Variants in HIVEP1 observed in about 807,000 individuals in gnomAD.
The protein encoded by HIVEP1 is HIVEP zinc finger 1.
Under a neutral mutation model 180.0 loss-of-function variants are expected in HIVEP1, and 36 were observed. The ratio of observed to expected loss-of-function variants is 0.20; its 90% CI spans 0.15 to 0.26. The LOEUF (loss-of-function observed/expected upper bound fraction) is 0.26. Among genes scored for constraint, HIVEP1 ranks in the 10% least tolerant of loss-of-function variants. The pLI, the probability that HIVEP1 is intolerant of heterozygous loss-of-function variation, is 1.00. For missense variants in HIVEP1, 3,143 were observed against 3,268.7 expected (o/e 0.96, Z 0.94); for synonymous variants, 1,239 against 1,239.0 (o/e 1.00, Z 0.00).
intron 2 of HIVEP1, among the ~76,000 whole-genome samples, chr6:12,022,111 G>A (rs1025349745): frequency 6.6e-6 from 1 of 152,124 alleles, no homozygotes; most frequent in African/African-American, 2.4e-5. Flanking sequence ...TTAATTGCCT[G>A]AACAGATAAA....
the HIVEP1 span, among the ~76,000 whole-genome samples, chr6:12,204,863 T>C: frequency 7.2e-5 from 11 of 152,036 alleles, no homozygotes; most frequent in Admixed American, 3.3e-4. Flanking sequence ...AAGCAAACAA[T>C]AAACATGTAT....
Position 12,119,921 on chromosome 6 carries a change from G to A in HIVEP1, c.126G>A (p.Ser42=), listed in dbSNP as rs1487358229. ...TACAGGCTGGTGTTAAAGGAACTTC[G>A]GAATCCCTTAAAGGTGTGAAACGCA... The part of the protein sequence containing the change: ...EILQAGVKGT[S]ESLKGVKRKK... The change falls in exon 4 of 9, where the codon TCG becomes TCA. Residue 42 remains serine, a synonymous_variant. Coordinates refer to ENST00000379388, the MANE Select transcript of HIVEP1 (RefSeq NM_002114.4). 3.8e-6 allele frequency: 6 copies of A among 1,573,454 alleles called. No individual in the cohort carries two copies. The highest frequency in any genetic ancestry group is 1.2e-5 in the South Asian group (1 of 84,026).
intron 7 of HIVEP1, among the ~76,000 whole-genome samples, chr6:12,157,005 C>T (rs370359195): frequency 1.4e-4 from 21 of 151,954 alleles, no homozygotes; most frequent in South Asian, 1.0e-3. Context: ...AGCTCTATTG[C>T]GTACACACTT....
chr6:12,040,241 G>T (rs897694808), intron 2 of HIVEP1, among the ~76,000 whole-genome samples: 1 of 152,106 alleles, frequency 6.6e-6, no homozygotes, highest in African/African-American at 2.4e-5. Context: ...AACTGTGTTC[G>T]AATCTTTGCT....
intron 2 of HIVEP1, chr6:12,038,968 A>T (rs566193396): frequency 6.6e-6 from 1 of 152,240 alleles, no homozygotes; most frequent in Non-Finnish European, 1.5e-5. Context: ...GACACTTTAT[A>T]TAATATACCT....
chr6:12,098,217 T>A (rs1228346316), intron 3 of HIVEP1, among the ~76,000 whole-genome samples: 1 of 152,200 alleles, frequency 6.6e-6, no homozygotes, highest in Non-Finnish European at 1.5e-5. Context: ...TTACATTATA[T>A]TAAATACATA....
At chr6:12,125,930 T>C in intron 4 of HIVEP1, 60 bp downstream of exon 4, 1 of 921,528 alleles carries the variant, frequency 1.1e-6, no homozygotes, top group South Asian at 1.6e-5. Context: ...CCATGTGTCT[T>C]GATACCTTTA....
the HIVEP1 span, among the ~76,000 whole-genome samples, chr6:12,182,685 T>TATC: frequency 6.6e-6 from 1 of 152,220 alleles, no homozygotes. Context: ...TGTGACTTGC[T>TATC]ATCTCTGATC....
chr6:12,162,026 T>G lies in HIVEP1; in HGVS notation c.6978+97T>G, dbSNP rs1385265730. On this transcript the variant is annotated intron_variant, in intron 8 of 8. Transcript: ENST00000379388. Reference sequence around the variant, plus strand: ...TTAAGAAAATAATGCACTTAAGTGATTTTTTTAGGCCAAATCAGTTTGTAT... The same window carrying G: ...TTAAGAAAATAATGCACTTAAGTGAGTTTTTTAGGCCAAATCAGTTTGTAT... 3 of 1,125,570 alleles carry G rather than the reference T, an allele frequency of 2.7e-6. No homozygotes were observed. In the African/African-American group the frequency reaches 4.7e-5, roughly 18 times the overall value. 69.7% of individuals were successfully genotyped at this position (1,125,570 alleles called of 1,614,324 possible). A position where few individuals can be genotyped will look rare whatever the true frequency, so the allele number is the denominator to read the frequency against.
At chr6:12,080,012 A>G (rs770287560) in intron 2 of HIVEP1, among the ~76,000 whole-genome samples, 2 of 152,010 alleles carry the variant, frequency 1.3e-5, no homozygotes, top group Non-Finnish European at 2.9e-5. Flanking sequence ...TGAATGAGTT[A>G]TAGTGTCTTG....
chr6:12,059,089 A>G (rs115743545), intron 2 of HIVEP1, among the ~76,000 whole-genome samples: 4,936 of 152,206 alleles, frequency 0.032, 126 homozygotes, highest in Middle Eastern at 0.054. Context: ...ATAGCTGAAC[A>G]TTATATTGTT....
At chr6:12,135,601 T>C (rs1281709165) in intron 6 of HIVEP1, among the ~76,000 whole-genome samples, 190 bp from the exon 7 acceptor site, 2 of 152,102 alleles carry the variant, frequency 1.3e-5, no homozygotes, top group African/African-American at 4.8e-5. Context: ...AAAAAGAAAA[T>C]ATAAACTGAT....
At chr6:12,021,117 C>T (rs1768172179) in intron 2 of HIVEP1, among the ~76,000 whole-genome samples, 1 of 151,968 alleles carries the variant, frequency 6.6e-6, no homozygotes, top group South Asian at 2.1e-4. Flanking sequence ...GGTCTCAAAA[C>T]TTCTAACCTC....
the HIVEP1 span, among the ~76,000 whole-genome samples, chr6:12,209,448 T>G: frequency 6.6e-6 from 1 of 152,044 alleles, no homozygotes; most frequent in African/African-American, 2.4e-5. Context: ...AACAAAAAAT[T>G]TTTTTCTCTA....
intron 2 of HIVEP1, among the ~76,000 whole-genome samples, chr6:12,055,949 A>G (rs562811795): frequency 6.6e-6 from 1 of 152,306 alleles, no homozygotes; most frequent in Admixed American, 6.5e-5. Context: ...ACTATATGTA[A>G]TATTCGTGCA....
At chr6:12,143,919 C>T (rs561095631) in intron 7 of HIVEP1, among the ~76,000 whole-genome samples, 13 of 152,176 alleles carry the variant, frequency 8.5e-5, no homozygotes, top group Non-Finnish European at 1.9e-4. Context: ...ATTCCATGCT[C>T]ATGGATAGGA....
At chr6:12,080,015 G>T (rs1272143575) in intron 2 of HIVEP1, among the ~76,000 whole-genome samples, 3 of 151,776 alleles carry the variant, frequency 2.0e-5, no homozygotes, top group Admixed American at 1.3e-4. Context: ...ATGAGTTATA[G>T]TGTCTTGCTG....
At chr6:12,057,568 T>C (rs1378488409) in intron 2 of HIVEP1, among the ~76,000 whole-genome samples, 1 of 152,206 alleles carries the variant, frequency 6.6e-6, no homozygotes, top group African/African-American at 2.4e-5. Flanking sequence ...TGTTCTGTTT[T>C]CTGTTTATCA....
intron 2 of HIVEP1, among the ~76,000 whole-genome samples, chr6:12,064,652 G>A (rs1771450801): frequency 6.6e-6 from 1 of 152,122 alleles, no homozygotes; most frequent in East Asian, 1.9e-4. Flanking sequence ...CTTAGGTCTA[G>A]CCCAAGAGAA....
Sources: allele counts gnomAD v4.1 joint callset (sites outside exome capture counted in the v4.1 genomes callset), GRCh38; gene constraint gnomAD v4.1.1; transcripts MANE v1.5; gene names NCBI Gene and HGNC (gene_info 2026-07-23, HGNC 2026-07-21).